DYNC1I1: variants seen among roughly 807,000 people sequenced by gnomAD.
DYNC1I1 encodes the protein dynein cytoplasmic 1 intermediate chain 1.
DYNC1I1 carries 43 observed loss-of-function variants against 86.6 expected under a neutral mutation model. The observed-to-expected ratio is 0.50, with a 90% CI of 0.39 to 0.64. The LOEUF is 0.64. DYNC1I1 is among the 30% of genes least tolerant of loss of function. DYNC1I1 has a pLI of 0.00. For missense variants in DYNC1I1, 604 were observed against 788.8 expected, an observed-to-expected ratio of 0.77 and a Z score of 2.81; for synonymous variants, 262 against 283.7, an observed-to-expected ratio of 0.92 and a Z score of 0.77.
chr7:96,079,791 G>A (rs900342628), intron 15 of DYNC1I1, among the ~76,000 whole-genome samples: 1 of 152,152 alleles, frequency 6.6e-6, no homozygotes. Context: ...GAGAGAGAGA[G>A]AATTTGAGTT....
intron 5 of DYNC1I1, among the ~76,000 whole-genome samples, chr7:95,849,863 A>G (rs561449897): frequency 1.2e-4 from 18 of 152,172 alleles, no homozygotes; most frequent in Non-Finnish European, 2.5e-4. Flanking sequence ...TGGAATATCT[A>G]TCAATTTATT....
chr7:95,824,379 G>C (rs543992780), intron 4 of DYNC1I1, among the ~76,000 whole-genome samples: 1 of 152,004 alleles, frequency 6.6e-6, no homozygotes, highest in South Asian at 2.1e-4. Flanking sequence ...TGTATTTTAG[G>C]TTCTTAATAG....
intron 6 of DYNC1I1, among the ~76,000 whole-genome samples, chr7:95,954,549 A>C (rs1247635225): frequency 6.6e-6 from 1 of 152,114 alleles, no homozygotes; most frequent in East Asian, 1.9e-4. Flanking sequence ...ATAAAAGCTG[A>C]ATGCTAAAAC....
chr7:95,831,721 G>C (rs1386662011), intron 5 of DYNC1I1, among the ~76,000 whole-genome samples: 3 of 151,754 alleles, frequency 2.0e-5, no homozygotes, highest in Non-Finnish European at 1.5e-5. Context: ...TTATAGTTTT[G>C]ATTTGCATGT....
rs368146175 is a variant in DYNC1I1 at position 95,887,832 on chromosome 7, G to A, written c.490+17834G>A. Among the ~76,000 whole-genome samples the A allele has an allele frequency of 3.3e-3, 499 of 152,186 alleles. 3 individuals carry two copies. The highest frequency in any genetic ancestry group is 0.012 in the African/African-American group (482 of 41,512). On this transcript the variant is annotated intron_variant, in intron 6 of 16. Coordinates refer to ENST00000447467, the MANE Select transcript of DYNC1I1 (RefSeq NM_001135556.2). The stretch of plus-strand genomic sequence containing the variant: ...CGGTATTGTATTAGAATGGTGTATG[G>A]GCTTGGGTGCATTATTTTCAGGAGA...
chr7:95,961,147 A>G (rs1792856956), intron 6 of DYNC1I1, among the ~76,000 whole-genome samples: 1 of 152,144 alleles, frequency 6.6e-6, no homozygotes. Context: ...GCCTAGACAT[A>G]TTTCTCCTTC....
At chr7:95,780,001 G>C (rs186910378) in intron 1 of DYNC1I1, among the ~76,000 whole-genome samples, 3 of 152,194 alleles carry the variant, frequency 2.0e-5, no homozygotes, top group Admixed American at 2.0e-4. Flanking sequence ...GTTTGAATCT[G>C]GTGTTTTCCT....
chr7:96,053,756 A>G (rs1378896058), intron 14 of DYNC1I1, among the ~76,000 whole-genome samples: 2 of 152,172 alleles, frequency 1.3e-5, no homozygotes, highest in Middle Eastern at 3.4e-3. Flanking sequence ...TTTTTTTAGA[A>G]TAGGATATTG....
chr7:96,070,382 G>A (rs1790123967), intron 14 of DYNC1I1, among the ~76,000 whole-genome samples: 1 of 152,050 alleles, frequency 6.6e-6, no homozygotes, highest in South Asian at 2.1e-4. Context: ...CGATATTGTG[G>A]TCTCACATTT....
intron 10 of DYNC1I1, among the ~76,000 whole-genome samples, chr7:96,008,068 A>G (rs1055637538): frequency 6.6e-6 from 1 of 152,180 alleles, no homozygotes; most frequent in Non-Finnish European, 1.5e-5. Context: ...CGAGGGTGGG[A>G]TCACAGGCAG....
At chr7:95,876,528 C>T (rs1790313208) in intron 6 of DYNC1I1, among the ~76,000 whole-genome samples, 2 of 144,512 alleles carry the variant, frequency 1.4e-5, no homozygotes, top group Admixed American at 1.4e-4. Context: ...ATTCTAATCT[C>T]TCTACTGGCA....
chr7:95,832,140 C>G (rs1312310570), intron 5 of DYNC1I1, among the ~76,000 whole-genome samples: 3 of 110,672 alleles, frequency 2.7e-5, no homozygotes, highest in Non-Finnish European at 5.3e-5. Flanking sequence ...CACAACAGTC[C>G]CCAGAGTGTG....
At chr7:96,042,231 C>T (rs1789073205) in intron 14 of DYNC1I1, among the ~76,000 whole-genome samples, 1 of 152,144 alleles carries the variant, frequency 6.6e-6, no homozygotes, top group Non-Finnish European at 1.5e-5. Context: ...CTGAGATTAT[C>T]AGCTTGGTTG....
intron 4 of DYNC1I1, among the ~76,000 whole-genome samples, chr7:95,818,113 A>G (rs1286630617): frequency 2.0e-5 from 3 of 152,168 alleles, no homozygotes; most frequent in Non-Finnish European, 4.4e-5. Flanking sequence ...CCATTGCATA[A>G]CATCCTTAAC....
At chr7:95,955,152 A>G (rs1230292843) in intron 6 of DYNC1I1, among the ~76,000 whole-genome samples, 3 of 152,094 alleles carry the variant, frequency 2.0e-5, no homozygotes, top group African/African-American at 4.8e-5. Flanking sequence ...GCTGGTTTTG[A>G]TAAGTATGTG....
chr7:95,867,163 C>A (rs1218873974), intron 5 of DYNC1I1, among the ~76,000 whole-genome samples: 2 of 152,188 alleles, frequency 1.3e-5, no homozygotes, highest in Admixed American at 6.5e-5. Context: ...TCATCTTCAA[C>A]TCTACTATCT....
intron 12 of DYNC1I1, among the ~76,000 whole-genome samples, chr7:96,034,393 A>G (rs1794884744): frequency 6.6e-6 from 1 of 152,134 alleles, no homozygotes; most frequent in Non-Finnish European, 1.5e-5. Context: ...TATTTAGGTT[A>G]AAACCAGTAA....
intron 10 of DYNC1I1, among the ~76,000 whole-genome samples, chr7:95,997,582 C>CA (rs35287832): frequency 2.6e-5 from 3 of 117,144 alleles, no homozygotes; most frequent in Admixed American, 8.0e-5. Context: ...AAAGGGCATT[C>CA]TTGTGTGTGT....
intron 16 of DYNC1I1, 76 bp from the exon 17 acceptor site, chr7:96,097,407 A>G (rs1563004579): frequency 6.6e-7 from 1 of 1,524,228 alleles, no homozygotes; most frequent in South Asian, 1.2e-5. Flanking sequence ...GGGCAAAGGG[A>G]CAGTCATTCA....
Sources: allele counts gnomAD v4.1 joint callset (sites outside exome capture counted in the v4.1 genomes callset), GRCh38; gene constraint gnomAD v4.1.1; transcripts MANE v1.5; gene names NCBI Gene and HGNC (gene_info 2026-07-23, HGNC 2026-07-21).